SCFD2: variants seen among roughly 807,000 people sequenced by gnomAD.
SCFD2 encodes sec1 family domain-containing protein 2.
In SCFD2, 54 loss-of-function variants were observed where a neutral mutation model predicts 58.9. The observed-to-expected ratio is 0.92, with a 90% CI of 0.74 to 1.15. SCFD2 has a LOEUF of 1.15. Among genes scored for constraint, SCFD2 ranks in the 50% most tolerant of loss-of-function variants. SCFD2 has a pLI of 0.00. For synonymous variants in SCFD2, 321 were observed against 335.9 expected (o/e 0.96, Z 0.49); for missense variants, 805 against 836.6 (o/e 0.96, Z 0.47).
At chr4:53,191,684 C>T (rs1209448591) in intron 4 of SCFD2, among the ~76,000 whole-genome samples, 1 of 152,104 alleles carries the variant, frequency 6.6e-6, no homozygotes, top group Non-Finnish European at 1.5e-5. Flanking sequence ...GGATTATAGG[C>T]GTGAGCCACC....
intron 6 of SCFD2, among the ~76,000 whole-genome samples, chr4:52,910,736 G>A (rs1478020497): frequency 6.6e-6 from 1 of 152,142 alleles, no homozygotes; most frequent in Non-Finnish European, 1.5e-5. Context: ...CATGCAGCAG[G>A]AGGGACCTGG....
chr4:53,136,945 A>C (rs1445816215), intron 5 of SCFD2, among the ~76,000 whole-genome samples: 2 of 152,222 alleles, frequency 1.3e-5, no homozygotes, highest in African/African-American at 4.8e-5. Flanking sequence ...CACTGTAAAA[A>C]ATTTTAATAT....
chr4:53,274,116 GC>G, intron 3 of SCFD2, 115 bp from the exon 4 acceptor site: 1 of 824,036 alleles, frequency 1.2e-6, no homozygotes, highest in East Asian at 2.8e-5. Context: ...AGAGCTGACT[GC>G]AAGCTTTCCT....
At chr4:52,982,413 C>G (rs1721396638) in intron 5 of SCFD2, among the ~76,000 whole-genome samples, 1 of 152,204 alleles carries the variant, frequency 6.6e-6, no homozygotes, top group Non-Finnish European at 1.5e-5. Flanking sequence ...ATTGAAATCA[C>G]ACTGATTTTG....
chr4:53,200,281 C>T (rs1444015582), intron 4 of SCFD2, among the ~76,000 whole-genome samples: 3 of 151,972 alleles, frequency 2.0e-5, no homozygotes, highest in Non-Finnish European at 4.4e-5. Context: ...ATATAAGAAA[C>T]AGAGTCATTG....
chr4:53,201,288 C>G (rs1728227854), intron 4 of SCFD2, among the ~76,000 whole-genome samples: 1 of 151,426 alleles, frequency 6.6e-6, no homozygotes, highest in African/African-American at 2.4e-5. Context: ...GGTTTTTTCT[C>G]CTTGCCATAG....
At chr4:53,239,458 G>C (rs1006319230) in intron 4 of SCFD2, among the ~76,000 whole-genome samples, 1 of 148,656 alleles carries the variant, frequency 6.7e-6, no homozygotes, top group Admixed American at 6.7e-5. Flanking sequence ...GAGGGAGAGG[G>C]AGAGAGCGTC....
chr4:53,094,570 A>T (rs1241126728), intron 5 of SCFD2, among the ~76,000 whole-genome samples: 1 of 152,038 alleles, frequency 6.6e-6, no homozygotes, highest in Non-Finnish European at 1.5e-5. Flanking sequence ...GAGGGTGAGG[A>T]CTTTAACATA....
At chr4:53,153,713 A>G (rs144304706) in intron 4 of SCFD2, among the ~76,000 whole-genome samples, 1 of 152,242 alleles carries the variant, frequency 6.6e-6, no homozygotes, top group East Asian at 1.9e-4. Context: ...TCTCTACTAC[A>G]TGGCCAGATT....
chr4:53,050,269 G>A (rs1214838463), intron 5 of SCFD2, among the ~76,000 whole-genome samples: 2 of 152,182 alleles, frequency 1.3e-5, no homozygotes, highest in Non-Finnish European at 2.9e-5. Context: ...ATGAGGTGTT[G>A]ATTAGACATT....
At chr4:52,965,105 G>A (rs1038274620) in intron 5 of SCFD2, among the ~76,000 whole-genome samples, 16 of 152,030 alleles carry the variant, frequency 1.1e-4, no homozygotes, top group African/African-American at 3.6e-4. Flanking sequence ...TCTACATGCC[G>A]TAACCATCAT....
intron 5 of SCFD2, among the ~76,000 whole-genome samples, chr4:52,982,949 G>A (rs1023519339): frequency 1.3e-5 from 2 of 152,078 alleles, no homozygotes; most frequent in Admixed American, 6.5e-5. Flanking sequence ...CATTCTCATG[G>A]ATTTCCAGTG....
chr4:53,321,328 T>C (rs999116253), intron 2 of SCFD2, among the ~76,000 whole-genome samples: 8 of 152,060 alleles, frequency 5.3e-5, no homozygotes, highest in African/African-American at 1.9e-4. Flanking sequence ...ACAGGAAATA[T>C]TCATCACCAA....
intron 5 of SCFD2, among the ~76,000 whole-genome samples, chr4:53,062,394 T>TAATAATAAA (rs1264663127): frequency 1.4e-4 from 9 of 62,464 alleles, no homozygotes; most frequent in Admixed American, 3.7e-4. Flanking sequence ...ACAATAACAA[T>TAATAATAAA]AATAATAATA....
chr4:53,117,843 G>C (rs1447958953), intron 5 of SCFD2, among the ~76,000 whole-genome samples: 1 of 152,174 alleles, frequency 6.6e-6, no homozygotes, highest in African/African-American at 2.4e-5. Context: ...TCTTTAAAAA[G>C]CAAGAAAACG....
chr4:53,228,339 C>A (rs1325535548), intron 4 of SCFD2, among the ~76,000 whole-genome samples: 1 of 152,134 alleles, frequency 6.6e-6, no homozygotes, highest in Non-Finnish European at 1.5e-5. Flanking sequence ...TGATACATTT[C>A]TGACAACATT....
At chr4:53,333,430 C>T (rs1733564167) in intron 2 of SCFD2, among the ~76,000 whole-genome samples, 2 of 132,746 alleles carry the variant, frequency 1.5e-5, no homozygotes, top group Non-Finnish European at 3.2e-5. Context: ...GAACAGAGCC[C>T]TCAGAAATAA....
intron 5 of SCFD2, among the ~76,000 whole-genome samples, chr4:53,069,779 A>G (rs773192176): frequency 6.6e-6 from 1 of 152,058 alleles, no homozygotes; most frequent in Non-Finnish European, 1.5e-5. Flanking sequence ...AGCTGCTACT[A>G]TTCAGTTGGA....
chr4:53,286,370 A>C (rs1335836101), intron 3 of SCFD2, among the ~76,000 whole-genome samples: 1 of 152,088 alleles, frequency 6.6e-6, no homozygotes, highest in Non-Finnish European at 1.5e-5. Flanking sequence ...ACAAAGCCCT[A>C]GCCCAGCAGA....
Sources: allele counts gnomAD v4.1 joint callset (sites outside exome capture counted in the v4.1 genomes callset), GRCh38; gene constraint gnomAD v4.1.1; transcripts MANE v1.5; gene names NCBI Gene and HGNC (gene_info 2026-07-23, HGNC 2026-07-21).